SGCZ: variants seen among roughly 807,000 people sequenced by gnomAD.
SGCZ encodes zeta-sarcoglycan.
SGCZ carries 40 observed loss-of-function variants against 41.3 expected under a neutral mutation model. The observed-to-expected ratio is 0.97, with a 90% CI of 0.75 to 1.26. The LOEUF (loss-of-function observed/expected upper bound fraction) is 1.26, where lower values mean the gene tolerates loss of function less well. Among genes scored for constraint, SGCZ ranks in the 50% most tolerant of loss-of-function variants. SGCZ has a pLI of 0.00. For synonymous variants in SGCZ, 206 were observed against 137.5 expected, an observed-to-expected ratio of 1.50 and a Z score of -3.49; for missense variants, 552 against 369.8, an observed-to-expected ratio of 1.49 and a Z score of -4.04.
chr8:15,237,255 C>CCCCG (rs1554483258), intron 1 of SGCZ, among the ~76,000 whole-genome samples: 1 of 152,056 alleles, frequency 6.6e-6, no homozygotes, highest in African/African-American at 2.4e-5. Context: ...TGCCGCTGCC[C>CCCCG]CCCCCGGGGA....
intron 1 of SGCZ, among the ~76,000 whole-genome samples, chr8:14,986,461 T>C (rs1026089374): frequency 2.6e-5 from 4 of 152,120 alleles, no homozygotes; most frequent in South Asian, 2.1e-4. Context: ...TTTTTGGTTA[T>C]CACATTTCAA....
intron 2 of SGCZ, among the ~76,000 whole-genome samples, chr8:14,346,650 C>T (rs916468317): frequency 8.6e-5 from 13 of 151,716 alleles, no homozygotes; most frequent in African/African-American, 3.1e-4. Flanking sequence ...GAAAGTTTTA[C>T]AATAAAACAA....
chr8:15,022,828 G>A (rs1585483012), intron 1 of SGCZ, among the ~76,000 whole-genome samples: 2 of 152,244 alleles, frequency 1.3e-5, no homozygotes, highest in East Asian at 3.9e-4. Flanking sequence ...CATTCAAATA[G>A]TCTTGTGCAA....
intron 1 of SGCZ, among the ~76,000 whole-genome samples, chr8:14,640,509 G>C (rs1489710819): frequency 6.6e-6 from 1 of 151,390 alleles, no homozygotes. Flanking sequence ...TTTTTCATCA[G>C]TTTCACAATA....
chr8:14,839,299 G>C (rs1049761547), intron 1 of SGCZ, among the ~76,000 whole-genome samples: 1 of 152,138 alleles, frequency 6.6e-6, no homozygotes, highest in Non-Finnish European at 1.5e-5. Context: ...TGAGTAGCCA[G>C]GTAAAGAGAG....
At chr8:14,689,086 A>G (rs758791172) in intron 1 of SGCZ, among the ~76,000 whole-genome samples, 3 of 152,130 alleles carry the variant, frequency 2.0e-5, no homozygotes, top group Non-Finnish European at 4.4e-5. Flanking sequence ...GTTCTTTTCT[A>G]TGTTAGCACT....
At chr8:15,131,503 T>C (rs1210948965) in intron 1 of SGCZ, among the ~76,000 whole-genome samples, 1 of 152,252 alleles carries the variant, frequency 6.6e-6, no homozygotes, top group African/African-American at 2.4e-5. Flanking sequence ...AATGGACTAA[T>C]ACACTAAGGA....
At chr8:14,419,887 G>C (rs1487814382) in intron 2 of SGCZ, among the ~76,000 whole-genome samples, 1 of 151,974 alleles carries the variant, frequency 6.6e-6, no homozygotes. Context: ...ATTAGCGTTT[G>C]TTTCTAAAGC....
rs147732222 is a variant in SGCZ, at chr8:14,195,078, A to C, written c.425-30376T>G. 5.9e-5 allele frequency among the ~76,000 whole-genome samples: 9 copies of C among 152,292 alleles called. No homozygotes were observed. The East Asian group carries it at 1.5e-3, about 26-fold the overall frequency. On this transcript the variant is annotated intron_variant, in intron 4 of 7. Coordinates refer to ENST00000382080, the MANE Select transcript of SGCZ (RefSeq NM_139167.4). ...ATCAAATATTGAAAGATTACTAGGC[A>C]TTAACAGGAGCAGAAAAACATTAAC...
chr8:14,144,378 A>G (rs1286991509), intron 5 of SGCZ, among the ~76,000 whole-genome samples: 2 of 152,182 alleles, frequency 1.3e-5, no homozygotes, highest in African/African-American at 2.4e-5. Flanking sequence ...CCTGGGCCAG[A>G]AGGGAATCCA....
intron 2 of SGCZ, among the ~76,000 whole-genome samples, chr8:14,344,714 CGACTT>C (rs1214119812): frequency 6.6e-6 from 1 of 151,812 alleles, no homozygotes; most frequent in African/African-American, 2.4e-5. Context: ...ATTAATATAA[CGACTT>C]GAGTTAAATT....
intron 1 of SGCZ, among the ~76,000 whole-genome samples, chr8:14,708,812 AGTGT>A (rs61049816): frequency 1.2e-3 from 174 of 148,690 alleles, no homozygotes; most frequent in Middle Eastern, 3.4e-3. Flanking sequence ...GTTTTATTCG[AGTGT>A]GTGTGTGTGT....
chr8:14,384,220 G>A (rs1693698539), intron 2 of SGCZ, among the ~76,000 whole-genome samples: 1 of 151,914 alleles, frequency 6.6e-6, no homozygotes. Context: ...GCGGTGTTCG[G>A]TTTTTTGTCC....
chr8:15,002,377 A>G (rs1217973177), intron 1 of SGCZ, among the ~76,000 whole-genome samples: 1 of 152,194 alleles, frequency 6.6e-6, no homozygotes, highest in East Asian at 1.9e-4. Flanking sequence ...AAGAGAAGAC[A>G]TAGTAAGAAT....
At chr8:14,698,515 C>A (rs768548837) in intron 1 of SGCZ, among the ~76,000 whole-genome samples, 5 of 151,842 alleles carry the variant, frequency 3.3e-5, no homozygotes, top group Admixed American at 3.3e-4. Context: ...TAAATACAAT[C>A]CAAATTTTAA....
rs1305708987 is a variant in SGCZ at position 14,164,902 on chromosome 8, T to G, written c.425-200A>C. 4.5e-5 allele frequency: 28 copies of G among 621,196 alleles called. No homozygotes were observed. In the Admixed American group the frequency reaches 6.8e-4, roughly 15 times the overall value. The allele number at this position is 621,196 out of a possible 1,614,324, so 38.5% of individuals were successfully genotyped here. A position where few individuals can be genotyped will look rare whatever the true frequency, so the allele number is the denominator to read the frequency against. ...GAATGTACTTCTGTGCTAGGCTGGT[T>G]AGGCATACAGGTGACCTCTGGATGT... On this transcript the variant is annotated intron_variant, in intron 4 of 7. Coordinates refer to ENST00000382080, the MANE Select transcript of SGCZ (RefSeq NM_139167.4).
intron 7 of SGCZ, among the ~76,000 whole-genome samples, chr8:14,095,808 A>G (rs1801825804): frequency 1.3e-5 from 2 of 152,112 alleles, no homozygotes; most frequent in African/African-American, 4.8e-5. Flanking sequence ...CTCCTTGAAG[A>G]GGTGCTTCAC....
chr8:14,599,920 T>C (rs1306593047), intron 1 of SGCZ, among the ~76,000 whole-genome samples: 2 of 152,112 alleles, frequency 1.3e-5, no homozygotes, highest in Non-Finnish European at 2.9e-5. Flanking sequence ...CATCACTTCA[T>C]AGGAAATAAA....
chr8:14,831,691 A>G (rs369661177), intron 1 of SGCZ, among the ~76,000 whole-genome samples: 1 of 151,962 alleles, frequency 6.6e-6, no homozygotes, highest in African/African-American at 2.4e-5. Context: ...CAATTATACT[A>G]AAACATTTTT....
Sources: allele counts gnomAD v4.1 joint callset (sites outside exome capture counted in the v4.1 genomes callset), GRCh38; gene constraint gnomAD v4.1.1; transcripts MANE v1.5; gene names NCBI Gene and HGNC (gene_info 2026-07-23, HGNC 2026-07-21).